MYO5B: variants seen among roughly 807,000 people sequenced by gnomAD.
MYO5B encodes myosin VB.
MYO5B carries 143 observed loss-of-function variants against 229.3 expected under a neutral mutation model. The observed-to-expected ratio is 0.62, with a 90% CI of 0.54 to 0.72. MYO5B has a LOEUF of 0.72. Among genes scored for constraint, MYO5B ranks in the 30% least tolerant of loss-of-function variants. The probability of loss-of-function intolerance (pLI) is 0.00; values close to 1 mark genes in which losing one functional copy is unlikely to be tolerated. For missense variants in MYO5B, 2,321 were observed against 2,331.0 expected (o/e 1.00, Z 0.09); for synonymous variants, 918 against 885.2 (o/e 1.04, Z -0.66).
chr18:50,116,616 G>T (rs1306601576), intron 1 of MYO5B, among the ~76,000 whole-genome samples: 4 of 151,982 alleles, frequency 2.6e-5, no homozygotes, highest in Non-Finnish European at 5.9e-5. Context: ...AGGTGAATAA[G>T]GCCGTTCCTA....
intron 7 of MYO5B, among the ~76,000 whole-genome samples, chr18:49,985,781 C>T (rs746011076): frequency 2.7e-4 from 41 of 152,290 alleles, no homozygotes; most frequent in Middle Eastern, 3.4e-3. Context: ...TGGACCTGAG[C>T]ATGCAGGGCT....
chr18:50,146,986 C>T (rs1024682685), intron 1 of MYO5B, among the ~76,000 whole-genome samples: 1 of 152,190 alleles, frequency 6.6e-6, no homozygotes, highest in Non-Finnish European at 1.5e-5. Context: ...AATTCTTTCC[C>T]TGTCCCATAA....
In MYO5B at chr18:50,167,113, C is replaced by T. The variant is rs115313236; in HGVS notation, c.27+27654G>A. Among the ~76,000 whole-genome samples the T allele has an allele frequency of 6.3e-3, 956 of 152,294 alleles. 12 individuals carry two copies. Among genetic ancestry groups the T allele is most frequent in the African/African-American group, 0.02 (834 of 41,558 alleles). On this transcript the variant is annotated intron_variant, in intron 1 of 39. Coordinates refer to ENST00000285039, the MANE Select transcript of MYO5B (RefSeq NM_001080467.3). ...ACTGCCCCTCTGGCAAGCAAGCCAC[C>T]GCTGGGAAAAGGCTATAGTACACTG...
chr18:49,996,109 A>G (rs1452930616), intron 5 of MYO5B, among the ~76,000 whole-genome samples: 1 of 152,212 alleles, frequency 6.6e-6, no homozygotes, highest in East Asian at 1.9e-4. Context: ...ACCTTTTACC[A>G]TATCTGAGAT....
chr18:50,030,494 G>A, intron 4 of MYO5B, among the ~76,000 whole-genome samples: 1 of 146,956 alleles, frequency 6.8e-6, no homozygotes, highest in Non-Finnish European at 1.5e-5. Context: ...TGCTTCCCTG[G>A]AAGATCATCA....
intron 25 of MYO5B, among the ~76,000 whole-genome samples, chr18:49,877,245 T>C (rs1436270027): frequency 6.6e-6 from 1 of 152,236 alleles, no homozygotes; most frequent in Non-Finnish European, 1.5e-5. Flanking sequence ...CTGTGTGGTA[T>C]ATTTAGTGAC....
At chr18:49,980,838 G>C (rs907200962) in intron 8 of MYO5B, among the ~76,000 whole-genome samples, 3 of 152,230 alleles carry the variant, frequency 2.0e-5, no homozygotes, top group Non-Finnish European at 4.4e-5. Context: ...GAGCAAAGCA[G>C]AGGCAGCAAT....
chr18:49,843,132 A>C lies in MYO5B; in HGVS notation c.4611+109T>G, dbSNP rs182284751. Reference sequence around the variant, plus strand: ...GTGGCTCATTTACCTTCAAAGTTGGAGCCCTAGGAGCATTCACTACAGCCA... The same window carrying C: ...GTGGCTCATTTACCTTCAAAGTTGGCGCCCTAGGAGCATTCACTACAGCCA... On this transcript the variant is annotated intron_variant, in intron 34 of 39. Coordinates refer to ENST00000285039, the MANE Select transcript of MYO5B (RefSeq NM_001080467.3). The C allele has an allele frequency of 8.2e-4, 1,140 of 1,395,902 alleles. 7 individuals are homozygous for C. The African/African-American group carries it at 0.013, about 16-fold the overall frequency. 86.5% of individuals were successfully genotyped at this position (1,395,902 alleles called of 1,614,324 possible). A position where few individuals can be genotyped will look rare whatever the true frequency, so the allele number is the denominator to read the frequency against.
At chr18:50,011,514 C>T (rs1265879976) in intron 4 of MYO5B, among the ~76,000 whole-genome samples, 1 of 152,148 alleles carries the variant, frequency 6.6e-6, no homozygotes, top group Non-Finnish European at 1.5e-5. Context: ...CCAAGGCCTG[C>T]ACGTCCAAAA....
intron 1 of MYO5B, among the ~76,000 whole-genome samples, chr18:50,104,177 A>AGAAAAG (rs34000212): frequency 1.5e-4 from 22 of 146,556 alleles, no homozygotes; most frequent in African/African-American, 4.5e-4. Context: ...TAAAAAGAAA[A>AGAAAAG]AAAAGAAAAT....
chr18:49,974,573 C>A lies in MYO5B; in HGVS notation c.1099G>T (p.Val367Leu). ...YLSNFCRLLG[V>L]EHSQMEHWLC... ...CAGTGCTCCATCTGACTGTGCTCCA[C>A]CCCTAGCAGTCGGCAGAAGTTGCTT... The change falls in exon 10 of 40, where the codon GTG becomes TTG. Residue 367 changes from valine (V) to leucine (L), a missense_variant. Physicochemically the swap from Val to Leu is conservative, Grantham distance 32. Coordinates refer to ENST00000285039, the MANE Select transcript of MYO5B (RefSeq NM_001080467.3). The A allele has an allele frequency of 6.2e-7, 1 of 1,614,078 alleles. No individual in the cohort carries two copies. Among genetic ancestry groups the A allele is most frequent in the Non-Finnish European group, 8.5e-7 (1 of 1,179,994 alleles).
intron 1 of MYO5B, among the ~76,000 whole-genome samples, chr18:50,084,432 A>C (rs16951486): frequency 1.3e-5 from 2 of 152,132 alleles, no homozygotes; most frequent in African/African-American, 4.8e-5. Flanking sequence ...TCAGGGCAGG[A>C]AAACTCATCG....
intron 8 of MYO5B, among the ~76,000 whole-genome samples, chr18:49,984,139 A>G (rs2025845260): frequency 6.6e-6 from 1 of 152,208 alleles, no homozygotes; most frequent in Non-Finnish European, 1.5e-5. Context: ...CAAAAGTGGC[A>G]GGGAAGCAGG....
chr18:50,033,082 C>A (rs952007135), intron 4 of MYO5B, among the ~76,000 whole-genome samples: 2 of 152,124 alleles, frequency 1.3e-5, no homozygotes, highest in African/African-American at 2.4e-5. Flanking sequence ...TTCAAAAAAA[C>A]CATCAGACTA....
In MYO5B at chr18:49,984,776, G is replaced by A. The variant is rs139200179; in HGVS notation, c.888C>T (p.Ile296=). 666 of 1,613,886 alleles carry A rather than the reference G, an allele frequency of 4.1e-4. 4 individuals carry two copies. The African/African-American group carries it at 7.3e-3, about 18-fold the overall frequency. ...FYTSQGGDTS[I]EGVDDAEDFE... Reference sequence around the variant, plus strand: ...AGTCCTCAGCATCGTCCACACCCTCGATGGAAGTGTCTCCTCCCTGTGATG... The same window carrying A: ...AGTCCTCAGCATCGTCCACACCCTCAATGGAAGTGTCTCCTCCCTGTGATG... The change falls in exon 8 of 40, where the codon ATC becomes ATT. Residue 296 remains isoleucine, a synonymous_variant. Transcript: ENST00000285039.
At chr18:49,936,519 T>C (rs1204296463) in intron 15 of MYO5B, among the ~76,000 whole-genome samples, 170 bp from the exon 16 acceptor site, 2 of 152,306 alleles carry the variant, frequency 1.3e-5, no homozygotes, top group South Asian at 2.1e-4. Flanking sequence ...GACACTGCTA[T>C]CTTGCTGTGA....
intron 1 of MYO5B, among the ~76,000 whole-genome samples, chr18:50,193,556 C>T (rs1259901713): frequency 6.6e-6 from 1 of 152,246 alleles, no homozygotes; most frequent in Non-Finnish European, 1.5e-5. Flanking sequence ...GGTAAGGACG[C>T]GGAAGTGACT....
chr18:49,855,277 T>C (rs1335806445), intron 30 of MYO5B, among the ~76,000 whole-genome samples: 2 of 152,182 alleles, frequency 1.3e-5, no homozygotes, highest in Non-Finnish European at 2.9e-5. Context: ...CCAGGGTCTG[T>C]TCCTACTTAA....
intron 1 of MYO5B, among the ~76,000 whole-genome samples, chr18:50,117,920 A>G (rs916302519): frequency 6.6e-6 from 1 of 152,172 alleles, no homozygotes; most frequent in Middle Eastern, 3.2e-3. Context: ...GTATGAAAGG[A>G]GCAAAGTCAG....
Sources: allele counts gnomAD v4.1 joint callset (sites outside exome capture counted in the v4.1 genomes callset), GRCh38; gene constraint gnomAD v4.1.1; transcripts MANE v1.5; gene names NCBI Gene and HGNC (gene_info 2026-07-23, HGNC 2026-07-21).